The following GNG2 variants were observed in gnomAD, a reference collection of about 807,000 sequenced individuals.
The protein encoded by GNG2 is G protein subunit gamma 2.
GNG2 carries 5 observed loss-of-function variants against 5.5 expected under a neutral mutation model. That is an observed-to-expected ratio of 0.91 (90% CI 0.48 to 1.92). The LOEUF is 1.92. Among genes scored for constraint, GNG2 ranks in the 30% most tolerant of loss-of-function variants. The pLI is 0.01. For synonymous variants in GNG2, 28 were observed against 32.0 expected, an observed-to-expected ratio of 0.88 and a Z score of 0.42; for missense variants, 55 against 88.4, an observed-to-expected ratio of 0.62 and a Z score of 1.52.
intron 2 of GNG2, among the ~76,000 whole-genome samples, chr14:51,944,133 T>G (rs1173084584): frequency 6.6e-6 from 1 of 152,032 alleles, no homozygotes; most frequent in African/African-American, 2.4e-5. Flanking sequence ...AGCACAGAAA[T>G]AAACCCTTAC....
chr14:51,838,443 C>CA (rs71121670), intron 2 of GNG2, among the ~76,000 whole-genome samples: 34,950 of 145,264 alleles, frequency 0.24, 4,919 homozygotes, highest in African/African-American at 0.4. Context: ...GACTCTGTCT[C>CA]AAAAAAAAAA....
intron 3 of GNG2, among the ~76,000 whole-genome samples, chr14:51,961,587 G>A (rs190557234): frequency 1.1e-3 from 172 of 152,344 alleles, no homozygotes; most frequent in African/African-American, 3.9e-3. Context: ...TATAATTTCT[G>A]TGAAAGAGAA....
chr14:51,864,958 A>G (rs1381883848), intron 1 of GNG2, among the ~76,000 whole-genome samples: 1 of 152,076 alleles, frequency 6.6e-6, no homozygotes, highest in Non-Finnish European at 1.5e-5. Flanking sequence ...CTTTTCCACG[A>G]CAGATTTTAC....
chr14:51,880,812 C>T (rs1883999097), intron 2 of GNG2, among the ~76,000 whole-genome samples: 2 of 152,024 alleles, frequency 1.3e-5, no homozygotes, highest in East Asian at 3.9e-4. Context: ...GTAGCTGTCA[C>T]ATTGATGCAT....
intron 2 of GNG2, among the ~76,000 whole-genome samples, chr14:51,897,886 TAACATTCTTTTCAAGTTCTGCCTTAAA>T (rs1303090413): frequency 1.3e-5 from 2 of 152,210 alleles, no homozygotes; most frequent in African/African-American, 4.8e-5. Context: ...TGCATAGTAC[TAACATTCTTTTCAAGTTCTGCCTTAAA>T]ATGAGATGAC....
intron 3 of GNG2, among the ~76,000 whole-genome samples, chr14:51,956,605 A>G (rs1889285325): frequency 6.6e-6 from 1 of 152,160 alleles, no homozygotes; most frequent in Admixed American, 6.6e-5. Flanking sequence ...ATCCAGTATA[A>G]TCTTTGAAAT....
chr14:51,907,330 A>G (rs1885997699), intron 2 of GNG2, among the ~76,000 whole-genome samples: 1 of 152,200 alleles, frequency 6.6e-6, no homozygotes, highest in African/African-American at 2.4e-5. Flanking sequence ...TAAACAGAAA[A>G]TAAATCATCC....
At chr14:51,878,057 A>G in intron 2 of GNG2, 1 of 167,140 alleles carries the variant, frequency 6.0e-6, no homozygotes. Context: ...AGATGGTTGT[A>G]AACATTGTAA....
At chr14:51,851,469 C>T (rs1033894837) in intron 2 of GNG2, among the ~76,000 whole-genome samples, 2 of 152,152 alleles carry the variant, frequency 1.3e-5, no homozygotes, top group Non-Finnish European at 2.9e-5. Context: ...CAGTGAGTTT[C>T]TATTGTTCTT....
At chr14:51,954,188 T>C (rs1889143702) in intron 3 of GNG2, among the ~76,000 whole-genome samples, 1 of 152,220 alleles carries the variant, frequency 6.6e-6, no homozygotes, top group Admixed American at 6.5e-5. Context: ...CTGGGAGATT[T>C]GGGCTAAGTG....
chr14:51,928,354 C>T (rs1887460337), intron 2 of GNG2, among the ~76,000 whole-genome samples: 1 of 152,016 alleles, frequency 6.6e-6, no homozygotes, highest in African/African-American at 2.4e-5. Context: ...TACCGGTGAA[C>T]TTAAAATTAA....
In GNG2 at chr14:51,942,591, T is replaced by TCC. The variant is rs1566703371; in HGVS notation, c.-29-8059_-29-8058insCC. On this transcript the variant is annotated intron_variant, in intron 2 of 3. Transcript: ENST00000556766. ...TTTTTCTCTTTCTTTCTTTCTTTCTTTTTTTTTTTTTTTTTAGAGACAGGG... is the reference window on the plus strand; with the variant it reads ...TTTTTCTCTTTCTTTCTTTCTTTCTTCCTTTTTTTTTTTTTTTAGAGACAGGG... 3.0e-5 allele frequency among the ~76,000 whole-genome samples: 4 copies of TCC among 132,516 alleles called. No individual in the cohort carries two copies. In the East Asian group the frequency reaches 8.3e-4, roughly 28 times the overall value. The allele number at this position is 132,516 out of a possible 152,430, so 86.9% of individuals were successfully genotyped here. A position where few individuals can be genotyped will look rare whatever the true frequency, so the allele number is the denominator to read the frequency against.
Position 51,951,564 on chromosome 14 carries a change from A to G in GNG2, c.87+799A>G, listed in dbSNP as rs538735845. 1.4e-4 allele frequency among the ~76,000 whole-genome samples: 22 copies of G among 152,362 alleles called. 1 individual carries two copies. The South Asian group carries it at 2.9e-3, about 20-fold the overall frequency. The stretch of plus-strand genomic sequence containing the variant: ...AAGAATTCTATGAAATGCAGCTCAG[A>G]CACATATCTCATTGTACTAAGCTAA... On this transcript the variant is annotated intron_variant, in intron 3 of 3. Transcript: ENST00000556766.
chr14:51,960,260 A>G (rs1171290611), intron 3 of GNG2, among the ~76,000 whole-genome samples: 1 of 151,708 alleles, frequency 6.6e-6, no homozygotes, highest in Non-Finnish European at 1.5e-5. Flanking sequence ...TTTCTTCTAC[A>G]GTGGCTAATC....
intron 2 of GNG2, among the ~76,000 whole-genome samples, chr14:51,843,536 G>A (rs886537368): frequency 6.6e-6 from 1 of 151,220 alleles, no homozygotes; most frequent in African/African-American, 2.4e-5. Context: ...GTATACCTAT[G>A]TAACCTGCAC....
chr14:51,887,211 T>C (rs1884519881), intron 2 of GNG2, among the ~76,000 whole-genome samples: 1 of 152,098 alleles, frequency 6.6e-6, no homozygotes, highest in Admixed American at 6.5e-5. Context: ...CAACTTACGG[T>C]TCAAGTTTGC....
At chr14:51,869,587 A>G (rs1883164878) in intron 1 of GNG2, among the ~76,000 whole-genome samples, 1 of 152,158 alleles carries the variant, frequency 6.6e-6, no homozygotes. Context: ...ATCATGACTC[A>G]TTGCAGCCTC....
At chr14:51,877,545 C>T in intron 1 of GNG2, 72 bp from the exon 2 acceptor site, 1 of 447,910 alleles carries the variant, frequency 2.2e-6, no homozygotes, top group South Asian at 1.6e-5. Flanking sequence ...ATTCATTCTA[C>T]TTATCCAGCT....
chr14:51,858,878 G>A (rs1431255268), upstream of GNG2, among the ~76,000 whole-genome samples: 1 of 152,152 alleles, frequency 6.6e-6, no homozygotes, highest in Non-Finnish European at 1.5e-5. Context: ...AGGTGTGAGT[G>A]AGTTGACATC....
Sources: allele counts gnomAD v4.1 joint callset (sites outside exome capture counted in the v4.1 genomes callset), GRCh38; gene constraint gnomAD v4.1.1; transcripts MANE v1.5; gene names NCBI Gene and HGNC (gene_info 2026-07-23, HGNC 2026-07-21).